Variants in SLC35D4 observed in about 807,000 individuals in gnomAD.
The protein encoded by SLC35D4 is solute carrier family 35 member D4.
the SLC35D4 span, among the ~76,000 whole-genome samples, chr18:23,254,824 A>AATCAC: frequency 2.6e-5 from 4 of 152,160 alleles, no homozygotes; most frequent in Non-Finnish European, 5.9e-5. Flanking sequence ...CAAAGGCCCC[A>AATCAC]TCTCCTAATA....
At chr18:23,277,356 T>C in the SLC35D4 span, among the ~76,000 whole-genome samples, 1 of 152,240 alleles carries the variant, frequency 6.6e-6, no homozygotes, top group African/African-American at 2.4e-5. Flanking sequence ...TGCTGCCATC[T>C]ATGTAAGATG....
chr18:23,345,481 CAAAAAAA>C, the SLC35D4 span, among the ~76,000 whole-genome samples: 56 of 57,242 alleles, frequency 9.8e-4, no homozygotes, highest in Admixed American at 2.0e-3. Context: ...GACTCCATCT[CAAAAAAA>C]AAAAAAAAAA....
the SLC35D4 span, chr18:23,257,576 G>A: frequency 7.9e-6 from 4 of 503,158 alleles, no homozygotes; most frequent in Admixed American, 4.0e-5. Context: ...CCTCAAGCAC[G>A]GGAAGAGGAG....
the SLC35D4 span, among the ~76,000 whole-genome samples, chr18:23,242,039 G>C: frequency 6.6e-6 from 1 of 152,192 alleles, no homozygotes; most frequent in African/African-American, 2.4e-5. Context: ...ACTTTGGAAG[G>C]CCGAGGCGGG....
chr18:23,355,835 C>T, the SLC35D4 span, among the ~76,000 whole-genome samples: 1 of 152,124 alleles, frequency 6.6e-6, no homozygotes, highest in African/African-American at 2.4e-5. Context: ...AGCTTAAGAC[C>T]CAAAGATCAT....
At chr18:23,328,028 A>C in the SLC35D4 span, among the ~76,000 whole-genome samples, 8 of 152,210 alleles carry the variant, frequency 5.3e-5, no homozygotes, top group Non-Finnish European at 8.8e-5. Context: ...AACTCTCAAT[A>C]AATTAGGTAT....
chr18:23,299,106 CAT>C, the SLC35D4 span, among the ~76,000 whole-genome samples: 1 of 152,280 alleles, frequency 6.6e-6, no homozygotes. Context: ...ATATAAAAAC[CAT>C]ATGTTTTAGA....
the SLC35D4 span, among the ~76,000 whole-genome samples, chr18:23,273,287 G>T: frequency 6.6e-6 from 1 of 152,324 alleles, no homozygotes; most frequent in East Asian, 1.9e-4. Context: ...TTAAGTTGAA[G>T]AGGAAGTACT....
chr18:23,248,806 C>G, the SLC35D4 span, among the ~76,000 whole-genome samples: 1 of 152,144 alleles, frequency 6.6e-6, no homozygotes, highest in Non-Finnish European at 1.5e-5. Flanking sequence ...GCCTGGGCAA[C>G]AAGAGCGAAA....
At chr18:23,240,134 A>G in the SLC35D4 span, among the ~76,000 whole-genome samples, 8 of 152,068 alleles carry the variant, frequency 5.3e-5, no homozygotes, top group African/African-American at 1.9e-4. Context: ...ACAAAACAAA[A>G]ACAGCGGCAG....
At chr18:23,344,089 T>C in the SLC35D4 span, among the ~76,000 whole-genome samples, 3 of 151,902 alleles carry the variant, frequency 2.0e-5, no homozygotes, top group East Asian at 5.8e-4. Context: ...ACCATGTTGG[T>C]CAGGCTGGTC....
chr18:23,261,861 C>T, the SLC35D4 span, among the ~76,000 whole-genome samples: 10 of 152,210 alleles, frequency 6.6e-5, no homozygotes. Flanking sequence ...TGCTTTTGCA[C>T]CATCATAAAG....
the SLC35D4 span, among the ~76,000 whole-genome samples, chr18:23,251,150 T>G: frequency 6.6e-6 from 1 of 152,182 alleles, no homozygotes; most frequent in East Asian, 1.9e-4. Context: ...GAGCTTTGAC[T>G]GATTAAGATT....
chr18:23,281,172 G>A, the SLC35D4 span, among the ~76,000 whole-genome samples: 3 of 152,290 alleles, frequency 2.0e-5, no homozygotes, highest in East Asian at 3.9e-4. Flanking sequence ...TTTTTGAGGT[G>A]AAGAAAATGT....
the SLC35D4 span, among the ~76,000 whole-genome samples, chr18:23,279,479 C>T: frequency 4.6e-5 from 7 of 152,132 alleles, no homozygotes; most frequent in Non-Finnish European, 7.4e-5. Context: ...AGTCCTAACT[C>T]CCAGTACCTC....
the SLC35D4 span, among the ~76,000 whole-genome samples, chr18:23,371,932 TTTG>T: frequency 0.026 from 571 of 21,808 alleles, 49 homozygotes; most frequent in African/African-American, 0.075. Flanking sequence ...CCTTGTTTTT[TTTG>T]TTTTTTTTTT....
At chr18:23,369,136 C>T in the SLC35D4 span, among the ~76,000 whole-genome samples, 2 of 152,166 alleles carry the variant, frequency 1.3e-5, no homozygotes, top group African/African-American at 4.8e-5. Flanking sequence ...AAAAATTATT[C>T]GAGGCTTATC....
the SLC35D4 span, among the ~76,000 whole-genome samples, chr18:23,408,193 ACCT>A: frequency 6.6e-6 from 1 of 151,326 alleles, no homozygotes; most frequent in African/African-American, 2.4e-5. Flanking sequence ...CTAACCTCTT[ACCT>A]GGCTATATTC....
the SLC35D4 span, among the ~76,000 whole-genome samples, chr18:23,337,548 T>C: frequency 4.6e-5 from 7 of 152,086 alleles, no homozygotes; most frequent in East Asian, 3.9e-4. Context: ...AAAAAATTCA[T>C]CTTTTTCTCT....
Sources: gnomAD v4.1 joint callset for allele counts (sites outside exome capture counted in the v4.1 genomes callset) on GRCh38, gnomAD v4.1.1 for gene constraint, MANE v1.5 for transcripts, NCBI Gene and HGNC (gene_info 2026-07-23, HGNC 2026-07-21) for gene names.